NCAM2: variants seen among roughly 807,000 people sequenced by gnomAD.
NCAM2 encodes the protein N-CAM-2.
A neutral mutation model predicts 98.1 loss-of-function variants in NCAM2; 30 were observed. The observed-to-expected ratio is 0.31, with a 90% confidence interval of 0.23 to 0.41. The LOEUF (loss-of-function observed/expected upper bound fraction) is 0.41, where lower values mean the gene tolerates loss of function less well. NCAM2 is among the 10% of genes least tolerant of loss of function. The pLI is 1.00. For missense variants in NCAM2, 867 were observed against 1,005.8 expected (o/e 0.86, Z 1.87); for synonymous variants, 368 against 342.4 (o/e 1.07, Z -0.83).
chr21:21,458,382 G>T (rs942149823), intron 12 of NCAM2, among the ~76,000 whole-genome samples: 2 of 152,230 alleles, frequency 1.3e-5, no homozygotes, highest in South Asian at 2.1e-4. Context: ...AGAGCTGCAG[G>T]CTCAGGTCCC....
intron 9 of NCAM2, among the ~76,000 whole-genome samples, chr21:21,398,363 T>C (rs887391005): frequency 6.6e-6 from 1 of 152,074 alleles, no homozygotes; most frequent in African/African-American, 2.4e-5. Context: ...CAGCACTAAA[T>C]AACTTATCCT....
intron 1 of NCAM2, among the ~76,000 whole-genome samples, chr21:21,182,075 C>T (rs886820747): frequency 2.6e-5 from 4 of 151,462 alleles, no homozygotes; most frequent in Non-Finnish European, 5.9e-5. Context: ...TACTGTATCC[C>T]GAGCACCTGG....
intron 8 of NCAM2, among the ~76,000 whole-genome samples, chr21:21,346,528 A>G (rs944175769): frequency 6.6e-6 from 1 of 152,058 alleles, no homozygotes; most frequent in Non-Finnish European, 1.5e-5. Context: ...TATAGATCTA[A>G]TGGATCTGGT....
At chr21:21,091,987 G>A (rs1400016266) in intron 1 of NCAM2, among the ~76,000 whole-genome samples, 1 of 151,746 alleles carries the variant, frequency 6.6e-6, no homozygotes, top group East Asian at 1.9e-4. Flanking sequence ...CTTAAAAGAG[G>A]GCCTGACAAA....
intron 1 of NCAM2, among the ~76,000 whole-genome samples, chr21:21,106,213 T>G (rs2066342087): frequency 6.7e-6 from 1 of 150,358 alleles, no homozygotes; most frequent in East Asian, 2.0e-4. Context: ...GAGGCTGAAC[T>G]GGGAAGATCA....
chr21:21,142,989 C>A, intron 1 of NCAM2, among the ~76,000 whole-genome samples: 1 of 152,122 alleles, frequency 6.6e-6, no homozygotes, highest in East Asian at 1.9e-4. Context: ...CAATTATTAG[C>A]CCTGGTCATA....
At chr21:21,167,614 G>C (rs2067993393) in intron 1 of NCAM2, among the ~76,000 whole-genome samples, 1 of 152,032 alleles carries the variant, frequency 6.6e-6, no homozygotes, top group African/African-American at 2.4e-5. Flanking sequence ...AGAAACAGAT[G>C]ATTGATATCA....
intron 12 of NCAM2, among the ~76,000 whole-genome samples, chr21:21,443,295 G>A (rs182444222): frequency 1.3e-5 from 2 of 152,066 alleles, no homozygotes; most frequent in Non-Finnish European, 2.9e-5. Flanking sequence ...AGCCTGGGGA[G>A]GGATAACATT....
In NCAM2 at chr21:21,333,423, C is replaced by A. The variant is rs539081524; in HGVS notation, c.738-2082C>A. On this transcript the variant is annotated intron_variant, in intron 6 of 17. Coordinates refer to ENST00000400546, the MANE Select transcript of NCAM2 (RefSeq NM_004540.5). Reference sequence around the variant, plus strand: ...CCGTTATAACAGATCACCTCCTGCTCAAAAAAGTTGTAAGTCCACTAATGG... The same window carrying A: ...CCGTTATAACAGATCACCTCCTGCTAAAAAAAGTTGTAAGTCCACTAATGG... Among the ~76,000 whole-genome samples, 12 of 152,228 alleles carry A rather than the reference C, an allele frequency of 7.9e-5. No homozygotes were observed. The East Asian group carries it at 2.1e-3, about 27-fold the overall frequency.
intron 1 of NCAM2, among the ~76,000 whole-genome samples, chr21:21,265,691 T>G (rs1056611185): frequency 6.6e-6 from 1 of 151,598 alleles, no homozygotes; most frequent in East Asian, 1.9e-4. Flanking sequence ...TTCTCACTTA[T>G]AAGTGGGAGC....
chr21:21,303,456 C>T (rs2073786276), intron 5 of NCAM2, among the ~76,000 whole-genome samples: 1 of 151,882 alleles, frequency 6.6e-6, no homozygotes. Flanking sequence ...CATAATATGT[C>T]ATCTCTTTTT....
chr21:21,269,260 G>C (rs2072407080), intron 1 of NCAM2, among the ~76,000 whole-genome samples: 1 of 152,198 alleles, frequency 6.6e-6, no homozygotes, highest in East Asian at 1.9e-4. Flanking sequence ...CAACTGATTG[G>C]AGGCCTGAGA....
intron 1 of NCAM2, among the ~76,000 whole-genome samples, chr21:21,029,808 T>C (rs6417709): frequency 0.54 from 81,844 of 151,368 alleles, 22,677 homozygotes; most frequent in East Asian, 0.69. Context: ...TTTTTTGTAT[T>C]TTTAGTAGAG....
At chr21:21,278,731 AG>A (rs1486384385) in intron 1 of NCAM2, among the ~76,000 whole-genome samples, 1 of 152,204 alleles carries the variant, frequency 6.6e-6, no homozygotes, top group African/African-American at 2.4e-5. Flanking sequence ...TAACAATTTA[AG>A]GTGGAGACTG....
rs989974601 is a variant in NCAM2, at chr21:21,020,931, A to G, written c.55+22313A>G. Among the ~76,000 whole-genome samples the G allele has an allele frequency of 2.6e-5, 4 of 152,222 alleles. No individual in the cohort carries two copies. In the East Asian group the frequency reaches 7.7e-4, roughly 29 times the overall value. On this transcript the variant is annotated intron_variant, in intron 1 of 17. Transcript: ENST00000400546. ...AGTACCGTCCATGCTTGTTGCAAAG[A>G]CAAAGTCCGTTTATCCCTCAAATCT... is the stretch of plus-strand genomic sequence containing the variant.
At chr21:21,168,913 G>T (rs1025304573) in intron 1 of NCAM2, among the ~76,000 whole-genome samples, 1 of 152,072 alleles carries the variant, frequency 6.6e-6, no homozygotes, top group Non-Finnish European at 1.5e-5. Flanking sequence ...ATCTTAGCAA[G>T]TTACTCTGTA....
chr21:21,504,606 A>C (rs919326204), intron 15 of NCAM2, among the ~76,000 whole-genome samples: 1 of 151,780 alleles, frequency 6.6e-6, no homozygotes, highest in Non-Finnish European at 1.5e-5. Flanking sequence ...GCCAGAGTAA[A>C]TTGGTGAGAG....
At chr21:21,160,839 T>C (rs2067760848) in intron 1 of NCAM2, among the ~76,000 whole-genome samples, 1 of 152,052 alleles carries the variant, frequency 6.6e-6, no homozygotes, top group Non-Finnish European at 1.5e-5. Flanking sequence ...AATTTTGATA[T>C]GCAATGACAT....
At chr21:21,366,636 T>C (rs1317695056) in intron 8 of NCAM2, among the ~76,000 whole-genome samples, 2 of 152,046 alleles carry the variant, frequency 1.3e-5, no homozygotes, top group African/African-American at 4.8e-5. Context: ...CCACATATTC[T>C]CTTAATTCAG....
Sources: gnomAD v4.1 joint callset for allele counts (sites outside exome capture counted in the v4.1 genomes callset) on GRCh38, gnomAD v4.1.1 for gene constraint, MANE v1.5 for transcripts, NCBI Gene and HGNC (gene_info 2026-07-23, HGNC 2026-07-21) for gene names.